TRMT11: variants seen among roughly 807,000 people sequenced by gnomAD.
TRMT11 encodes tRNA (guanine(10)-N(2))-methyltransferase TRMT11.
In TRMT11, 53 loss-of-function variants were observed where a neutral mutation model predicts 62.8. That is an observed-to-expected ratio of 0.84 (90% CI 0.68 to 1.06). TRMT11 has a LOEUF of 1.06. Ranked by LOEUF, TRMT11 falls within the 50% of genes least tolerant of loss-of-function variation. TRMT11 has a pLI of 0.00. For missense variants in TRMT11, 556 were observed against 553.4 expected, an observed-to-expected ratio of 1.00 and a Z score of -0.05; for synonymous variants, 188 against 190.3, an observed-to-expected ratio of 0.99 and a Z score of 0.10.
At chr6:126,167,210 A>C (rs1190700115) in intron 21 of TRMT11, among the ~76,000 whole-genome samples, 1 of 152,148 alleles carries the variant, frequency 6.6e-6, no homozygotes, top group Admixed American at 6.5e-5. Context: ...ATGGCTGCCC[A>C]GTTTTGTGCT....
At chr6:126,244,166 T>C in the TRMT11 span, among the ~76,000 whole-genome samples, 3 of 151,898 alleles carry the variant, frequency 2.0e-5, no homozygotes, top group African/African-American at 7.3e-5. Context: ...TTCATACTAC[T>C]TCCTTCATTA....
At chr6:126,201,109 T>C (rs1355603475) in intron 3 of TRMT11, among the ~76,000 whole-genome samples, 1 of 152,242 alleles carries the variant, frequency 6.6e-6, no homozygotes, top group East Asian at 1.9e-4. Flanking sequence ...TTGGCATCTT[T>C]AACAAATGAT....
At chr6:126,030,345 C>T (rs1476791014) in intron 12 of TRMT11, among the ~76,000 whole-genome samples, 4 of 152,132 alleles carry the variant, frequency 2.6e-5, no homozygotes, top group East Asian at 1.9e-4. Flanking sequence ...AACTGAGCCC[C>T]GTTATATTCA....
chr6:126,151,948 C>CTTTTTCTTTCTTTCT (rs1778061868), intron 21 of TRMT11, among the ~76,000 whole-genome samples: 1 of 71,410 alleles, frequency 1.4e-5, no homozygotes, highest in African/African-American at 5.8e-5. Flanking sequence ...TCTTTCTTTT[C>CTTTTTCTTTCTTTCT]TTTCTTTCTT....
intron 21 of TRMT11, among the ~76,000 whole-genome samples, chr6:126,128,677 C>T (rs1290003275): frequency 1.3e-5 from 2 of 151,992 alleles, no homozygotes; most frequent in Non-Finnish European, 2.9e-5. Context: ...TCTCAATAGA[C>T]GTTTGTGGTT....
the TRMT11 span, among the ~76,000 whole-genome samples, chr6:126,264,301 A>T: frequency 6.6e-6 from 1 of 152,290 alleles, no homozygotes; most frequent in South Asian, 2.1e-4. Flanking sequence ...TTTCACTTTA[A>T]ATATGCCAAT....
At chr6:126,102,910 A>G (rs1251606094) in intron 17 of TRMT11, among the ~76,000 whole-genome samples, 2 of 152,222 alleles carry the variant, frequency 1.3e-5, no homozygotes, top group Non-Finnish European at 2.9e-5. Context: ...ACTGAGGTTT[A>G]GAGAGAGAAA....
chr6:126,120,232 G>A (rs146371099), intron 21 of TRMT11, among the ~76,000 whole-genome samples: 16 of 152,164 alleles, frequency 1.1e-4, no homozygotes, highest in South Asian at 6.2e-4. Context: ...CTGAGATCAC[G>A]CCACTGCACT....
intron 21 of TRMT11, among the ~76,000 whole-genome samples, chr6:126,124,217 G>A (rs969443349): frequency 6.6e-6 from 1 of 151,972 alleles, no homozygotes; most frequent in African/African-American, 2.4e-5. Flanking sequence ...CTTATGGGAG[G>A]AGATCCCCAA....
At chr6:126,180,942 T>A (rs1344594725) in intron 1 of TRMT11, among the ~76,000 whole-genome samples, 5 of 152,238 alleles carry the variant, frequency 3.3e-5, no homozygotes, top group East Asian at 3.8e-4. Context: ...TTGGAAATTT[T>A]AAAACAAATT....
chr6:126,024,823 T>G (rs1049395035), intron 12 of TRMT11, among the ~76,000 whole-genome samples: 3 of 152,208 alleles, frequency 2.0e-5, no homozygotes, highest in Middle Eastern at 6.3e-3. Context: ...TTTGGTATTT[T>G]AAAGGAAGTA....
intron 21 of TRMT11, among the ~76,000 whole-genome samples, chr6:126,171,397 G>A (rs1473370939): frequency 6.6e-6 from 1 of 152,072 alleles, no homozygotes; most frequent in African/African-American, 2.4e-5. Flanking sequence ...ATGTCAGTGG[G>A]ATGGTTTTAT....
rs79332623 is a variant in TRMT11 at position 126,079,654 on chromosome 6, G to T, written c.*1437+26464G>T. Among the ~76,000 whole-genome samples, 1,160 of 151,910 alleles carry T rather than the reference G, an allele frequency of 7.6e-3. 13 individuals carry two copies. The highest frequency in any genetic ancestry group is 0.027 in the African/African-American group (1,121 of 41,426). ...GGGTGAAGGAATCATTTGTACTCCA[G>T]ACCCCAATGACATGCAATCTACCCA... On this transcript the variant is annotated intron_variant and NMD_transcript_variant, in intron 17 of 22. Transcript: ENST00000648977.
chr6:126,005,593 G>A (rs1262747663), intron 7 of TRMT11, among the ~76,000 whole-genome samples: 3 of 151,920 alleles, frequency 2.0e-5, no homozygotes, highest in Non-Finnish European at 2.9e-5. Context: ...GGTGAAAGAT[G>A]TTAGATGTAG....
chr6:126,199,982 T>G (rs966616445), intron 3 of TRMT11: 2 of 152,082 alleles, frequency 1.3e-5, no homozygotes, highest in Non-Finnish European at 2.9e-5. Flanking sequence ...ATGGGTAACA[T>G]GTATAAGGTG....
chr6:126,209,576 A>G, the TRMT11 span, among the ~76,000 whole-genome samples: 1 of 151,784 alleles, frequency 6.6e-6, no homozygotes, highest in Non-Finnish European at 1.5e-5. Context: ...AAAAAAAAAA[A>G]ATAGCTGGGC....
chr6:126,070,421 A>C (rs191822504), intron 17 of TRMT11, among the ~76,000 whole-genome samples: 65 of 152,354 alleles, frequency 4.3e-4, no homozygotes, highest in African/African-American at 1.5e-3. Flanking sequence ...ACTTGAATAA[A>C]AATGACTCTC....
the TRMT11 span, among the ~76,000 whole-genome samples, chr6:126,270,175 G>C: frequency 6.6e-6 from 1 of 152,142 alleles, no homozygotes; most frequent in Non-Finnish European, 1.5e-5. Flanking sequence ...CACAGTACTT[G>C]GCCCTGTATC....
intron 21 of TRMT11, among the ~76,000 whole-genome samples, chr6:126,152,752 TACTC>T (rs1165160368): frequency 6.6e-6 from 1 of 152,222 alleles, no homozygotes; most frequent in African/African-American, 2.4e-5. Context: ...TTAGTTGTAT[TACTC>T]AGGAAGAAAG....
Sources: allele counts gnomAD v4.1 joint callset (sites outside exome capture counted in the v4.1 genomes callset), GRCh38; gene constraint gnomAD v4.1.1; transcripts MANE v1.5; gene names NCBI Gene and HGNC (gene_info 2026-07-23, HGNC 2026-07-21).